Variants in EHMT1 observed in about 807,000 individuals in gnomAD.
EHMT1 encodes histone-lysine N-methyltransferase EHMT1.
Under a neutral mutation model 147.2 loss-of-function variants are expected in EHMT1, and 15 were observed. That is an observed-to-expected ratio of 0.10 (90% CI 0.07 to 0.16). EHMT1 has a LOEUF of 0.16. EHMT1 is among the 10% of genes least tolerant of loss of function. The pLI, the probability that EHMT1 is intolerant of heterozygous loss-of-function variation, is 1.00. For missense variants in EHMT1, 1,587 were observed against 1,772.4 expected (o/e 0.90, Z 1.88); for synonymous variants, 795 against 709.6 (o/e 1.12, Z -1.91).
chr9:137,656,626 T>C (rs779405067), intron 1 of EHMT1, among the ~76,000 whole-genome samples: 1 of 152,044 alleles, frequency 6.6e-6, no homozygotes, highest in Non-Finnish European at 1.5e-5. Flanking sequence ...CAGGGGCATA[T>C]GTCCAGGGGA....
At chr9:137,714,634 C>T (rs1470700187) in intron 2 of EHMT1, among the ~76,000 whole-genome samples, 2 of 149,510 alleles carry the variant, frequency 1.3e-5, no homozygotes, top group African/African-American at 5.0e-5. Context: ...CTCACTGAAG[C>T]CTTGACCTCC....
intron 1 of EHMT1, among the ~76,000 whole-genome samples, chr9:137,682,053 C>G (rs1268786327): frequency 6.6e-6 from 1 of 152,042 alleles, no homozygotes; most frequent in East Asian, 1.9e-4. Context: ...CGGATTCACA[C>G]CATTCTCCTG....
intron 1 of EHMT1, among the ~76,000 whole-genome samples, chr9:137,668,672 T>G (rs755091267): frequency 2.0e-5 from 3 of 151,924 alleles, no homozygotes; most frequent in Non-Finnish European, 4.4e-5. Context: ...TCCTTCCCTG[T>G]CGATTTGCCT....
intron 1 of EHMT1, among the ~76,000 whole-genome samples, chr9:137,699,439 G>A (rs1300842273): frequency 1.3e-5 from 2 of 152,142 alleles, no homozygotes; most frequent in Non-Finnish European, 2.9e-5. Flanking sequence ...TTGGGAGGCC[G>A]AAGTGGGCAG....
chr9:137,814,927 A>G, intron 22 of EHMT1: 1 of 315,388 alleles, frequency 3.2e-6, no homozygotes, highest in Non-Finnish European at 6.2e-6. Context: ...GCTTGAGGAG[A>G]CACAGGATTG....
rs142613189 is a variant in EHMT1 at position 137,803,317 on chromosome 9, G to C, written c.2712+2333G>C. The C allele has an allele frequency of 4.5e-5, 45 of 993,036 alleles. No homozygotes were observed. In the African/African-American group the frequency reaches 7.8e-4, roughly 17 times the overall value. 61.5% of individuals were successfully genotyped at this position (993,036 alleles called of 1,614,324 possible). A position where few individuals can be genotyped will look rare whatever the true frequency, so the allele number is the denominator to read the frequency against. On this transcript the variant is annotated intron_variant, in intron 18 of 26. Transcript: ENST00000460843. ...AAGCCATTGTTGCTGTCGGAAGAGT[G>C]AGCCCAGTCCTCCCTCATGCCCTGA... is the stretch of plus-strand genomic sequence containing the variant.
rs192658814 is a variant in EHMT1 at position 137,718,091 on chromosome 9, C to T, written c.642+909C>T. On this transcript the variant is annotated intron_variant, in intron 3 of 26. Coordinates refer to ENST00000460843, the MANE Select transcript of EHMT1 (RefSeq NM_024757.5). ...ACTGTGATGATTTTCACACACAGGGCGCGCCCGCCCCTCACGCACCGTGAT... is the reference window on the plus strand; with the variant it reads ...ACTGTGATGATTTTCACACACAGGGTGCGCCCGCCCCTCACGCACCGTGAT... Among the ~76,000 whole-genome samples the T allele has an allele frequency of 1.3e-3, 175 of 136,674 alleles. 2 individuals carry two copies. In the East Asian group the frequency reaches 0.022, roughly 17 times the overall value. The allele number at this position is 136,674 out of a possible 152,430, so 89.7% of individuals were successfully genotyped here.
intron 1 of EHMT1, among the ~76,000 whole-genome samples, chr9:137,684,126 C>G (rs2134635796): frequency 6.6e-6 from 1 of 152,208 alleles, no homozygotes; most frequent in African/African-American, 2.4e-5. Context: ...GCCTCGACCT[C>G]CCGGGCTCAG....
intron 25 of EHMT1, among the ~76,000 whole-genome samples, chr9:137,820,282 A>AT (rs1955300394): frequency 6.6e-6 from 1 of 152,096 alleles, no homozygotes; most frequent in Non-Finnish European, 1.5e-5. Context: ...AGGGATGGCA[A>AT]CCTCCATGTG....
At chr9:137,789,786 G>A (rs1197862725) in intron 15 of EHMT1, among the ~76,000 whole-genome samples, 1 of 152,242 alleles carries the variant, frequency 6.6e-6, no homozygotes, top group Non-Finnish European at 1.5e-5. Flanking sequence ...CTGGAGTGCA[G>A]TGGTGCAATC....
chr9:137,641,828 ATT>A (rs772124198), intron 1 of EHMT1, among the ~76,000 whole-genome samples: 9 of 143,104 alleles, frequency 6.3e-5, no homozygotes, highest in East Asian at 4.0e-4. Flanking sequence ...CTAAGATCAC[ATT>A]TTTTTTTTTT....
At chr9:137,723,635 C>T (rs1227887402) in intron 3 of EHMT1, among the ~76,000 whole-genome samples, 1 of 151,006 alleles carries the variant, frequency 6.6e-6, no homozygotes, top group Non-Finnish European at 1.5e-5. Context: ...GGGGTGTGCC[C>T]GTGTCTGTCT....
At chr9:137,727,075 G>C (rs1439129034) in intron 3 of EHMT1, among the ~76,000 whole-genome samples, 1 of 152,178 alleles carries the variant, frequency 6.6e-6, no homozygotes, top group Non-Finnish European at 1.5e-5. Context: ...TGGATTTGCA[G>C]ATGTTTTCTC....
rs1164592692 is a variant in EHMT1, at chr9:137,651,800, GA to G, written c.21+32760del. ...ACAGCGAGACGCCGTCTCAAGAAAA[GA>G]AAAAAAAAGATTGTAGTGGAGCCGA... On this transcript the variant is annotated intron_variant, in intron 1 of 26. Transcript: ENST00000460843. 2.0e-5 allele frequency among the ~76,000 whole-genome samples: 3 copies of G among 150,528 alleles called. 1 individual carries two copies. The East Asian group carries it at 5.8e-4, about 29-fold the overall frequency.
At chr9:137,645,438 T>C (rs1844814336) in intron 1 of EHMT1, among the ~76,000 whole-genome samples, 1 of 152,254 alleles carries the variant, frequency 6.6e-6, no homozygotes. Flanking sequence ...GTGTGCCAGC[T>C]TCTGCACTGG....
intron 1 of EHMT1, among the ~76,000 whole-genome samples, chr9:137,640,449 A>T (rs181429099): frequency 6.6e-6 from 1 of 151,832 alleles, no homozygotes; most frequent in Non-Finnish European, 1.5e-5. Context: ...GCTAATTTTT[A>T]AATTTTTTGT....
chr9:137,819,502 TTAGGGGCGCCGTGTACC>T (rs1564822162), intron 25 of EHMT1, among the ~76,000 whole-genome samples: 20 of 436 alleles, frequency 0.046, 6 homozygotes, highest in African/African-American at 0.3. Flanking sequence ...AGAGGCCGAC[TTAGGGGCGCCGTGTACC>T]GAGACCGTAG....
At chr9:137,724,622 A>G (rs1358746517) in intron 3 of EHMT1, among the ~76,000 whole-genome samples, 3 of 152,188 alleles carry the variant, frequency 2.0e-5, no homozygotes, top group Non-Finnish European at 4.4e-5. Context: ...ACCTTCATCA[A>G]TATGTACTTT....
At position 137,818,052 on chromosome 9, in the gene EHMT1, C is replaced by T. The variant is rs1423426789; in HGVS notation, c.3462-8C>T. ...TCCAGGGCCTCACCTGCACCGCACC[C>T]TCTGCAGGTATGTTGGGGAGCTGAT... On this transcript the variant is annotated splice_region_variant and splice_polypyrimidine_tract_variant and intron_variant, in intron 24 of 26. Transcript: ENST00000460843. 4 of 1,614,080 alleles carry T rather than the reference C, an allele frequency of 2.5e-6. No homozygotes were observed. Among genetic ancestry groups the T allele is most frequent in the Non-Finnish European group, 2.5e-6 (3 of 1,180,042 alleles).
Sources: allele counts gnomAD v4.1 joint callset (sites outside exome capture counted in the v4.1 genomes callset), GRCh38; gene constraint gnomAD v4.1.1; transcripts MANE v1.5; gene names NCBI Gene and HGNC (gene_info 2026-07-23, HGNC 2026-07-21).